STXBP5L: variants seen among roughly 807,000 people sequenced by gnomAD.
STXBP5L encodes syntaxin binding protein 5L.
A neutral mutation model predicts 144.5 loss-of-function variants in STXBP5L; 65 were observed. The ratio of observed to expected loss-of-function variants is 0.45; its 90% CI spans 0.37 to 0.55. The LOEUF is 0.55. STXBP5L is among the 20% of genes least tolerant of loss of function. STXBP5L has a pLI of 0.00. For synonymous variants in STXBP5L, 505 were observed against 469.6 expected (o/e 1.08, Z -0.97); for missense variants, 1,298 against 1,405.5 (o/e 0.92, Z 1.22).
At chr3:120,984,640 T>C (rs1942123584) in intron 3 of STXBP5L, among the ~76,000 whole-genome samples, 1 of 142,882 alleles carries the variant, frequency 7.0e-6, no homozygotes, top group Non-Finnish European at 1.5e-5. Context: ...TCCTTTTTTT[T>C]TTTTTTTTTT....
chr3:121,057,032 T>G (rs1948510212), intron 5 of STXBP5L, among the ~76,000 whole-genome samples: 2 of 150,940 alleles, frequency 1.3e-5, no homozygotes, highest in African/African-American at 4.8e-5. Flanking sequence ...TTAAACAAAT[T>G]AGCAAGATCT....
At chr3:121,242,318 A>G (rs1378248313) in intron 14 of STXBP5L, among the ~76,000 whole-genome samples, 1 of 152,180 alleles carries the variant, frequency 6.6e-6, no homozygotes, top group African/African-American at 2.4e-5. Context: ...TGATGTTACT[A>G]TAATCACATT....
At chr3:120,918,473 A>T (rs1576416402) in intron 2 of STXBP5L, among the ~76,000 whole-genome samples, 1 of 152,260 alleles carries the variant, frequency 6.6e-6, no homozygotes, top group Non-Finnish European at 1.5e-5. Flanking sequence ...ATCCTTGGCA[A>T]ATCTTGCTGA....
intron 9 of STXBP5L, among the ~76,000 whole-genome samples, chr3:121,189,686 G>T (rs1378032473): frequency 6.6e-6 from 1 of 152,168 alleles, no homozygotes; most frequent in Non-Finnish European, 1.5e-5. Flanking sequence ...TTTGACTTCA[G>T]AATGTCTTGA....
chr3:120,981,016 G>C (rs906291756), intron 3 of STXBP5L, among the ~76,000 whole-genome samples: 1 of 151,900 alleles, frequency 6.6e-6, no homozygotes, highest in Admixed American at 6.6e-5. Flanking sequence ...TCTTCAAAGA[G>C]ACTGAAAATA....
At position 121,393,191 on chromosome 3, in the gene STXBP5L, AT is replaced by A. The variant is rs35499185; in HGVS notation, c.2587+11670del. 3.4e-4 allele frequency among the ~76,000 whole-genome samples: 50 copies of A among 145,574 alleles called. No homozygotes were observed. In the East Asian group the frequency reaches 4.0e-3, roughly 12 times the overall value. On this transcript the variant is annotated intron_variant, in intron 22 of 26. Coordinates refer to ENST00000471454, the MANE Select transcript of STXBP5L (RefSeq NM_001308330.2). Reference sequence around the variant, plus strand: ...TCTCTCATGACTAATGATGTTGAACATTTTTTTTTTTCGTTTCTTGGCCATT... The same window carrying A: ...TCTCTCATGACTAATGATGTTGAACATTTTTTTTTTCGTTTCTTGGCCATT...
intron 14 of STXBP5L, 70 bp from the exon 15 acceptor site, chr3:121,250,653 C>T: frequency 7.7e-7 from 1 of 1,292,246 alleles, no homozygotes; most frequent in South Asian, 1.3e-5. Flanking sequence ...ACTCAAGTTT[C>T]TGTACATTTG....
intron 20 of STXBP5L, among the ~76,000 whole-genome samples, chr3:121,329,110 A>AC (rs1364846532): frequency 6.6e-6 from 1 of 152,076 alleles, no homozygotes; most frequent in East Asian, 1.9e-4. Context: ...TAATTCAACA[A>AC]CTAAGAACAA....
At chr3:121,110,262 G>A (rs2043916503) in intron 5 of STXBP5L, among the ~76,000 whole-genome samples, 1 of 152,136 alleles carries the variant, frequency 6.6e-6, no homozygotes, top group African/African-American at 2.4e-5. Flanking sequence ...ATGCCAACTG[G>A]TTATTTTGCA....
intron 8 of STXBP5L, among the ~76,000 whole-genome samples, chr3:121,157,249 G>T (rs1451283773): frequency 6.6e-6 from 1 of 151,964 alleles, no homozygotes; most frequent in Non-Finnish European, 1.5e-5. Context: ...TAAAATGCTT[G>T]CCTTGGGGTT....
At chr3:121,034,558 A>G (rs972562681) in intron 3 of STXBP5L, among the ~76,000 whole-genome samples, 9 of 123,838 alleles carry the variant, frequency 7.3e-5, no homozygotes, top group Admixed American at 1.0e-4. Flanking sequence ...CTATCTATCC[A>G]TCCATCCATC....
At chr3:121,418,682 G>A (rs1331688770) in intron 26 of STXBP5L, 125 bp downstream of exon 26, 2 of 943,912 alleles carry the variant, frequency 2.1e-6, no homozygotes, top group Non-Finnish European at 3.2e-6. Flanking sequence ...TGGTAACCTA[G>A]ATCTCTTCTA....
At chr3:121,108,118 G>T (rs1315516159) in intron 5 of STXBP5L, among the ~76,000 whole-genome samples, 1 of 152,024 alleles carries the variant, frequency 6.6e-6, no homozygotes, top group Non-Finnish European at 1.5e-5. Flanking sequence ...TTAGGCTGAA[G>T]CGATAGGATT....
chr3:121,154,576 A>G (rs1234078341), intron 8 of STXBP5L, among the ~76,000 whole-genome samples: 2 of 151,530 alleles, frequency 1.3e-5, no homozygotes, highest in African/African-American at 4.8e-5. Context: ...ATTCTTCAGG[A>G]TATTATGTCT....
intron 3 of STXBP5L, among the ~76,000 whole-genome samples, chr3:121,041,228 T>C (rs1195111367): frequency 6.6e-6 from 1 of 151,868 alleles, no homozygotes; most frequent in Non-Finnish European, 1.5e-5. Context: ...TTTAGTCAGA[T>C]ATATCAGTCT....
At chr3:121,331,922 T>C (rs1247690483) in intron 20 of STXBP5L, among the ~76,000 whole-genome samples, 3 of 152,108 alleles carry the variant, frequency 2.0e-5, no homozygotes, top group Admixed American at 1.3e-4. Flanking sequence ...ACCAAGCACA[T>C]TGCCACCACA....
rs751225288 is a variant in STXBP5L, at chr3:121,041,745, T to G, written c.333T>G (p.Gly111=). The change falls in exon 4 of 27, where the codon GGT becomes GGG. Residue 111 remains glycine, a synonymous_variant. Coordinates refer to ENST00000471454, the MANE Select transcript of STXBP5L (RefSeq NM_001308330.2). The part of the protein sequence containing the change: ...GVDCYCQHES[G]AAVLQLQFLI... Reference sequence around the variant, plus strand: ...ATTGCTATTGCCAACATGAAAGTGGTGCAGCTGTCCTACAGCTCCAATTTT... The same window carrying G: ...ATTGCTATTGCCAACATGAAAGTGGGGCAGCTGTCCTACAGCTCCAATTTT... 3 of 1,612,868 alleles carry G rather than the reference T, an allele frequency of 1.9e-6. No individual in the cohort carries two copies. The highest frequency in any genetic ancestry group is 1.7e-6 in the Non-Finnish European group (2 of 1,179,226).
intron 9 of STXBP5L, among the ~76,000 whole-genome samples, chr3:121,204,970 G>T (rs1183476429): frequency 6.6e-6 from 1 of 152,020 alleles, no homozygotes; most frequent in Non-Finnish European, 1.5e-5. Flanking sequence ...TCATTAAAAT[G>T]ATTTTTAAAA....
intron 3 of STXBP5L, among the ~76,000 whole-genome samples, chr3:121,015,570 C>G (rs189945423): frequency 6.2e-4 from 94 of 152,246 alleles, no homozygotes; most frequent in Middle Eastern, 3.4e-3. Context: ...CTGCTGGTTA[C>G]TGAAATGTTC....
Sources: gnomAD v4.1 joint callset for allele counts (sites outside exome capture counted in the v4.1 genomes callset) on GRCh38, gnomAD v4.1.1 for gene constraint, MANE v1.5 for transcripts, NCBI Gene and HGNC (gene_info 2026-07-23, HGNC 2026-07-21) for gene names.